CAMK1D: variants seen among roughly 807,000 people sequenced by gnomAD.
CAMK1D encodes the protein calcium/calmodulin-dependent protein kinase type 1D.
CAMK1D carries 9 observed loss-of-function variants against 47.7 expected under a neutral mutation model. The ratio of observed to expected loss-of-function variants is 0.19; its 90% CI spans 0.11 to 0.33. The LOEUF is 0.33. Among genes scored for constraint, CAMK1D ranks in the 10% least tolerant of loss-of-function variants. CAMK1D has a pLI of 1.00. For synonymous variants in CAMK1D, 184 were observed against 184.9 expected (o/e 0.99, Z 0.04); for missense variants, 291 against 488.7 (o/e 0.60, Z 3.81).
At chr10:12,362,876 C>T (rs941972292) in intron 1 of CAMK1D, among the ~76,000 whole-genome samples, 4 of 151,690 alleles carry the variant, frequency 2.6e-5, no homozygotes, top group African/African-American at 9.7e-5. Context: ...AATCTCCTGA[C>T]CTTGTGATCC....
At chr10:12,424,974 C>T (rs1182706639) in intron 1 of CAMK1D, among the ~76,000 whole-genome samples, 2 of 152,200 alleles carry the variant, frequency 1.3e-5, no homozygotes, top group Admixed American at 6.5e-5. Flanking sequence ...CACTCTTAAA[C>T]ACTTCCTGGT....
rs151056368 is a variant in CAMK1D at position 12,512,152 on chromosome 10, C to T, written c.93-41073C>T. On this transcript the variant is annotated intron_variant, in intron 1 of 10. Transcript: ENST00000619168. ...ATTAGAGGTGATAAAAAGCCCAGTG[C>T]CTGGTGACTTTAGCATGAGAGCACA... is the stretch of plus-strand genomic sequence containing the variant. Among the ~76,000 whole-genome samples, 171 of 152,292 alleles carry T rather than the reference C, an allele frequency of 1.1e-3. 1 individual carries two copies. Among genetic ancestry groups the T allele is most frequent in the African/African-American group, 3.9e-3 (162 of 41,552 alleles).
intron 5 of CAMK1D, among the ~76,000 whole-genome samples, chr10:12,781,194 CTTT>C (rs1837477528): frequency 6.6e-6 from 1 of 151,980 alleles, no homozygotes; most frequent in Non-Finnish European, 1.5e-5. Flanking sequence ...TCCATTTGTT[CTTT>C]GTCATGATTA....
chr10:12,421,488 T>A (rs1840046697), intron 1 of CAMK1D, among the ~76,000 whole-genome samples: 1 of 148,630 alleles, frequency 6.7e-6, no homozygotes, highest in Non-Finnish European at 1.5e-5. Context: ...CCCTTGGTCA[T>A]GCTGGGCCAT....
intron 1 of CAMK1D, among the ~76,000 whole-genome samples, chr10:12,526,715 C>T (rs908223541): frequency 6.6e-6 from 1 of 151,936 alleles, no homozygotes; most frequent in Non-Finnish European, 1.5e-5. Flanking sequence ...CCCAGGAGTT[C>T]AAGACCAGCC....
At chr10:12,443,818 C>T (rs140284663) in intron 1 of CAMK1D, among the ~76,000 whole-genome samples, 1,937 of 152,054 alleles carry the variant, frequency 0.013, 36 homozygotes, top group African/African-American at 0.045. Flanking sequence ...TCAGTAGAGA[C>T]GGAGTTTCAC....
intron 2 of CAMK1D, among the ~76,000 whole-genome samples, chr10:12,631,963 T>C (rs934050009): frequency 2.0e-5 from 3 of 152,158 alleles, no homozygotes; most frequent in African/African-American, 7.2e-5. Context: ...TCAGTAAATA[T>C]TTGTTCAATG....
chr10:12,524,699 T>TC (rs1232109987), intron 1 of CAMK1D, among the ~76,000 whole-genome samples: 1 of 151,286 alleles, frequency 6.6e-6, no homozygotes, highest in East Asian at 2.0e-4. Flanking sequence ...AGAGTGAGAC[T>TC]CCATCTCAAA....
intron 4 of CAMK1D, among the ~76,000 whole-genome samples, chr10:12,763,665 G>A (rs79754077): frequency 0.024 from 3,647 of 152,230 alleles, 136 homozygotes; most frequent in African/African-American, 0.07. Context: ...ATATCCATCC[G>A]CTGGGGGGCA....
intron 1 of CAMK1D, among the ~76,000 whole-genome samples, chr10:12,464,241 G>A (rs1202811180): frequency 6.6e-6 from 1 of 152,152 alleles, no homozygotes; most frequent in South Asian, 2.1e-4. Context: ...GGGACACTCT[G>A]CAGATACCTA....
At chr10:12,603,423 T>C (rs936636129) in intron 2 of CAMK1D, among the ~76,000 whole-genome samples, 1 of 152,192 alleles carries the variant, frequency 6.6e-6, no homozygotes, top group Admixed American at 6.5e-5. Flanking sequence ...CATTATATCA[T>C]ATGGCTTCAG....
At chr10:12,762,482 C>T (rs1276831901) in intron 4 of CAMK1D, among the ~76,000 whole-genome samples, 1 of 152,104 alleles carries the variant, frequency 6.6e-6, no homozygotes, top group Admixed American at 6.5e-5. Flanking sequence ...TCCATTGACC[C>T]AGGCAGTGAT....
At chr10:12,367,925 G>C (rs953691893) in intron 1 of CAMK1D, among the ~76,000 whole-genome samples, 1 of 152,192 alleles carries the variant, frequency 6.6e-6, no homozygotes, top group African/African-American at 2.4e-5. Flanking sequence ...AGGCGCAGTG[G>C]CTCACACCTG....
chr10:12,601,512 G>A (rs1490643213), intron 2 of CAMK1D, among the ~76,000 whole-genome samples: 1 of 152,110 alleles, frequency 6.6e-6, no homozygotes, highest in Non-Finnish European at 1.5e-5. Flanking sequence ...TGTCCAGGCT[G>A]GAGTGCAATG....
chr10:12,586,076 C>T (rs931238394), intron 2 of CAMK1D, among the ~76,000 whole-genome samples: 2 of 152,214 alleles, frequency 1.3e-5, no homozygotes, highest in Middle Eastern at 3.4e-3. Flanking sequence ...GGAGCCCTTC[C>T]GAGCATAGGT....
chr10:12,823,116 T>A (rs941764433), intron 8 of CAMK1D, among the ~76,000 whole-genome samples: 41 of 152,166 alleles, frequency 2.7e-4, no homozygotes, highest in Admixed American at 2.4e-3. Flanking sequence ...TGGCTGGTAT[T>A]CTCTCTTGTC....
At chr10:12,363,027 T>A (rs1465678873) in intron 1 of CAMK1D, among the ~76,000 whole-genome samples, 1 of 150,584 alleles carries the variant, frequency 6.6e-6, no homozygotes, top group Non-Finnish European at 1.5e-5. Flanking sequence ...TGCAGGCTCT[T>A]CCTCCCGGGT....
chr10:12,764,875 C>A (rs1039468433), intron 4 of CAMK1D, among the ~76,000 whole-genome samples: 1 of 152,096 alleles, frequency 6.6e-6, no homozygotes, highest in African/African-American at 2.4e-5. Context: ...GTAGATAGAT[C>A]GCCTGAGGTC....
chr10:12,460,177 A>G (rs2132051445), intron 1 of CAMK1D, among the ~76,000 whole-genome samples: 1 of 152,284 alleles, frequency 6.6e-6, no homozygotes, highest in Middle Eastern at 3.4e-3. Flanking sequence ...AAGCTCCAGG[A>G]GTAGCAGACA....
Sources: allele counts gnomAD v4.1 joint callset (sites outside exome capture counted in the v4.1 genomes callset), GRCh38; gene constraint gnomAD v4.1.1; transcripts MANE v1.5; gene names NCBI Gene and HGNC (gene_info 2026-07-23, HGNC 2026-07-21).